LEPR: variants seen among roughly 807,000 people sequenced by gnomAD.
The protein encoded by LEPR is OB receptor.
Under a neutral mutation model 114.7 loss-of-function variants are expected in LEPR, and 56 were observed. The observed-to-expected ratio is 0.49, with a 90% CI of 0.39 to 0.61. The LOEUF (loss-of-function observed/expected upper bound fraction) is 0.61. Among genes scored for constraint, LEPR ranks in the 20% least tolerant of loss-of-function variants. The pLI is 0.00. For synonymous variants in LEPR, 443 were observed against 461.4 expected, an observed-to-expected ratio of 0.96 and a Z score of 0.51; for missense variants, 1,202 against 1,352.9, an observed-to-expected ratio of 0.89 and a Z score of 1.75.
intron 5 of LEPR, 121 bp from the exon 6 acceptor site, chr1:65,592,536 A>G (rs561666989): frequency 9.7e-5 from 94 of 971,478 alleles, no homozygotes; most frequent in East Asian, 9.4e-4. Flanking sequence ...TTTTTTTCAG[A>G]TACCCTTTAA....
chr1:65,528,200 T>C (rs767609958), intron 2 of LEPR, among the ~76,000 whole-genome samples: 1 of 151,268 alleles, frequency 6.6e-6, no homozygotes, highest in Non-Finnish European at 1.5e-5. Context: ...GATATTGTAC[T>C]GCATTTTTCA....
Position 65,477,163 on chromosome 1 carries a change from C to T in LEPR, c.-21+51785C>T, listed in dbSNP as rs896000285. The stretch of plus-strand genomic sequence containing the variant: ...ATCAGTGAGATCTTTCCTTACCCAC[C>T]TCCATTCCCTGTCCTCATTACTGCT... On this transcript the variant is annotated intron_variant, in intron 2 of 19. Transcript: ENST00000349533. Among the ~76,000 whole-genome samples the T allele has an allele frequency of 1.1e-4, 16 of 152,246 alleles. 1 individual carries two copies. Among genetic ancestry groups the T allele is most frequent in the Middle Eastern group, 3.4e-3 (1 of 294 alleles).
In LEPR at chr1:65,636,825, C is replaced by T. The variant is rs1658735601; in HGVS notation, c.3308C>T (p.Pro1103Leu). 6.2e-7 allele frequency: 1 copy of T among 1,613,666 alleles called. No individual in the cohort carries two copies. The highest frequency in any genetic ancestry group is 2.2e-5 in the East Asian group (1 of 44,874). The part of the protein sequence containing the change: ...LLTDKSRVSC[P>L]FPAPCLFTDI... ...ACTGACAAGTCAAGGGTATCGTGCC[C>T]ATTCCCAGCCCCCTGTTTATTCACG... The change falls in exon 20 of 20, where the codon CCA becomes CTA. Residue 1103 changes from proline to leucine, a missense_variant. Physicochemically the swap from Pro to Leu is moderately conservative, Grantham distance 98. Coordinates refer to ENST00000349533, the MANE Select transcript of LEPR (RefSeq NM_002303.6).
At chr1:65,421,995 G>A (rs1311560579) in intron 1 of LEPR, among the ~76,000 whole-genome samples, 2 of 152,160 alleles carry the variant, frequency 1.3e-5, no homozygotes, top group African/African-American at 4.8e-5. Flanking sequence ...GTTATTGGTG[G>A]GTGACAGAGC....
At chr1:65,552,159 G>T (rs1652428020) in intron 2 of LEPR, among the ~76,000 whole-genome samples, 1 of 152,206 alleles carries the variant, frequency 6.6e-6, no homozygotes, top group South Asian at 2.1e-4. Context: ...GCGCGATGTG[G>T]TGCTGAGAAG....
chr1:65,536,938 T>C (rs1342726706), intron 2 of LEPR, among the ~76,000 whole-genome samples: 1 of 152,176 alleles, frequency 6.6e-6, no homozygotes, highest in African/African-American at 2.4e-5. Context: ...GGTCTTTAAA[T>C]AGTTTGTTGA....
At chr1:65,449,256 T>C (rs1646750170) in intron 2 of LEPR, among the ~76,000 whole-genome samples, 1 of 148,362 alleles carries the variant, frequency 6.7e-6, no homozygotes, top group Non-Finnish European at 1.5e-5. Context: ...GTGGTTTTAT[T>C]TATCTTTTTT....
At chr1:65,628,105 GA>G (rs1261510685) in intron 19 of LEPR, among the ~76,000 whole-genome samples, 1 of 151,962 alleles carries the variant, frequency 6.6e-6, no homozygotes, top group Non-Finnish European at 1.5e-5. Context: ...AAAATGAAAA[GA>G]AAACATTTAT....
intron 14 of LEPR, among the ~76,000 whole-genome samples, chr1:65,615,563 A>T (rs1485797446): frequency 6.6e-6 from 1 of 152,158 alleles, no homozygotes; most frequent in African/African-American, 2.4e-5. Context: ...TCAATATATG[A>T]TGATTAACAC....
intron 4 of LEPR, among the ~76,000 whole-genome samples, chr1:65,571,806 A>AT (rs1654188376): frequency 6.7e-6 from 1 of 148,302 alleles, no homozygotes; most frequent in Admixed American, 6.7e-5. Context: ...AAAAAAAAAA[A>AT]AAAAAAAAAA....
At chr1:65,535,886 T>A (rs1419541216) in intron 2 of LEPR, among the ~76,000 whole-genome samples, 1 of 152,228 alleles carries the variant, frequency 6.6e-6, no homozygotes, top group East Asian at 1.9e-4. Context: ...TGCTTCATAT[T>A]CCTCTGCATC....
chr1:65,604,951 G>A, intron 10 of LEPR, 87 bp from the exon 11 acceptor site: 1 of 1,553,186 alleles, frequency 6.4e-7, no homozygotes. Flanking sequence ...GGGGACTGCT[G>A]TTTTAAACAA....
Position 65,639,045 on chromosome 1 carries a change from C to T in LEPR, c.*2030C>T, listed in dbSNP as rs940614529. On this transcript the variant is annotated 3_prime_UTR_variant, in exon 20 of 20. Transcript: ENST00000349533. ...GCCCCACTCTGAAATTGAAGACTGA[C>T]CTCTGAGCATGTCCGCTGAGACACA... The T allele has an allele frequency of 6.6e-6, 1 of 152,134 alleles. No homozygotes were observed. The highest frequency in any genetic ancestry group is 1.5e-5 in the Non-Finnish European group (1 of 68,026). The allele number at this position is 152,134 out of a possible 1,614,324, so 9.4% of individuals were successfully genotyped here.
At chr1:65,565,435 A>C in intron 2 of LEPR, 111 bp from the exon 3 acceptor site, 1 of 1,044,642 alleles carries the variant, frequency 9.6e-7, no homozygotes, top group South Asian at 1.5e-5. Flanking sequence ...TATCACATGT[A>C]AATTTAGAGA....
At chr1:65,446,510 G>A (rs150563848) in intron 2 of LEPR, among the ~76,000 whole-genome samples, 264 of 152,230 alleles carry the variant, frequency 1.7e-3, no homozygotes, top group African/African-American at 5.5e-3. Context: ...TTTTATCAGC[G>A]AGGTCCCTTC....
At chr1:65,426,856 G>A (rs1646384201) in intron 2 of LEPR, among the ~76,000 whole-genome samples, 1 of 152,264 alleles carries the variant, frequency 6.6e-6, no homozygotes, top group Admixed American at 6.5e-5. Flanking sequence ...AAATTAGCTG[G>A]GCGTGGTGGC....
intron 2 of LEPR, among the ~76,000 whole-genome samples, chr1:65,551,442 GTGTATGGGTCTAGGAAT>G (rs924705953): frequency 3.9e-5 from 6 of 152,062 alleles, no homozygotes; most frequent in Admixed American, 2.6e-4. Flanking sequence ...GTCTTGGGAG[GTGTATGGGTCTAGGAAT>G]TTATCCATTT....
intron 2 of LEPR, among the ~76,000 whole-genome samples, chr1:65,485,788 G>T (rs1267349167): frequency 2.6e-5 from 4 of 152,128 alleles, no homozygotes; most frequent in Admixed American, 6.5e-5. Flanking sequence ...TGGAGCCATT[G>T]TGGGTCTCTT....
chr1:65,533,219 A>G (rs959614285), intron 2 of LEPR, among the ~76,000 whole-genome samples: 1 of 152,128 alleles, frequency 6.6e-6, no homozygotes. Flanking sequence ...GTATATGGAG[A>G]CAGATAGTCA....
Sources: allele counts gnomAD v4.1 joint callset (sites outside exome capture counted in the v4.1 genomes callset), GRCh38; gene constraint gnomAD v4.1.1; transcripts MANE v1.5; gene names NCBI Gene and HGNC (gene_info 2026-07-23, HGNC 2026-07-21).